The following CD302 variants were observed in gnomAD, a reference collection of about 807,000 sequenced individuals.
CD302 encodes CD302 antigen.
In CD302, 23 loss-of-function variants were observed where a neutral mutation model predicts 26.5. The ratio of observed to expected loss-of-function variants is 0.87; its 90% CI spans 0.62 to 1.23. The LOEUF (loss-of-function observed/expected upper bound fraction) is 1.23. Ranked by LOEUF, CD302 falls within the 50% of genes most tolerant of loss-of-function variation. The pLI is 0.00. For missense variants in CD302, 290 were observed against 275.5 expected, an observed-to-expected ratio of 1.05 and a Z score of -0.37; for synonymous variants, 90 against 99.4, an observed-to-expected ratio of 0.91 and a Z score of 0.56.
At position 159,780,963 on chromosome 2, in the gene CD302, T is replaced by A. The variant is rs775277205; in HGVS notation, c.214A>T (p.Asn72Tyr). The A allele has an allele frequency of 1.2e-6, 2 of 1,613,432 alleles. No homozygotes were observed. Among genetic ancestry groups the A allele is most frequent in the Admixed American group, 3.3e-5 (2 of 59,904 alleles). ...DMISIHNEEE[N>Y]AFILDTLKKQ... is the part of the protein sequence containing the mutation. ...TTCAAAGTATCCAGTATAAAAGCAT[T>A]TTCTTCTTCATTATGTATGCTTATC... is the stretch of plus-strand genomic sequence containing the variant. Residue 72 changes from asparagine to tyrosine, a missense_variant, in exon 3 of 6, where the codon AAT (asparagine) becomes TAT (tyrosine). Asn to Tyr is a moderately radical substitution (Grantham distance 143). Transcript: ENST00000259053.
intron 1 of CD302, 129 bp downstream of exon 1, chr2:159,798,003 G>T: frequency 1.2e-6 from 1 of 855,318 alleles, no homozygotes; most frequent in Non-Finnish European, 1.7e-6. Context: ...GTGCAGGGAA[G>T]GGCGGGATGG....
At chr2:159,783,239 G>T in intron 2 of CD302, 120 bp downstream of exon 2, 2 of 723,708 alleles carry the variant, frequency 2.8e-6, no homozygotes, top group East Asian at 2.9e-5. Flanking sequence ...AATAAAAGTT[G>T]TACATTAAAT....
At position 159,777,929 on chromosome 2, in the gene CD302, A is replaced by C; in HGVS notation, c.496+9T>G. The C allele has an allele frequency of 9.8e-7, 1 of 1,023,690 alleles. No homozygotes were observed. The highest frequency in any genetic ancestry group is 1.4e-6 in the Non-Finnish European group (1 of 714,522). The allele number at this position is 1,023,690 out of a possible 1,614,324, so 63.4% of individuals were successfully genotyped here. On this transcript the variant is annotated intron_variant, in intron 5 of 5. Transcript: ENST00000259053. ...GTGGGAAAAATTTAAAGACCAAATC[A>C]TTACTTACCTGATAAATATTTCCTT...
Position 159,770,367 on chromosome 2 carries a change from GTT to G in CD302, c.*1482_*1483del, listed in dbSNP as rs1708099258. 1.3e-5 allele frequency: 2 copies of G among 150,944 alleles called. No individual in the cohort carries two copies. The highest frequency in any genetic ancestry group is 5.0e-5 in the African/African-American group (2 of 40,330). The allele number at this position is 150,944 out of a possible 1,614,324, so 9.4% of individuals were successfully genotyped here. On this transcript the variant is annotated 3_prime_UTR_variant, in exon 6 of 6. Coordinates refer to ENST00000259053, the MANE Select transcript of CD302 (RefSeq NM_014880.5). The stretch of plus-strand genomic sequence containing the variant: ...GTACCATGTAGCCGCACTGTTAATA[GTT>G]TTCTATCACTTTTTAGTTACTCATG...
At chr2:159,781,813 A>G (rs1420821020) in intron 2 of CD302, among the ~76,000 whole-genome samples, 1 of 152,174 alleles carries the variant, frequency 6.6e-6, no homozygotes, top group Non-Finnish European at 1.5e-5. Context: ...GAAACAACAT[A>G]TATGTATTAA....
chr2:159,775,900 T>G (rs1000242066), intron 5 of CD302, among the ~76,000 whole-genome samples: 1 of 151,714 alleles, frequency 6.6e-6, no homozygotes, highest in African/African-American at 2.4e-5. Context: ...TCTTTTTTTT[T>G]TGTGGTGGTT....
chr2:159,789,043 G>T (rs111747695), intron 1 of CD302, among the ~76,000 whole-genome samples: 12,120 of 150,994 alleles, frequency 0.08, 566 homozygotes, highest in African/African-American at 0.13. Context: ...TTTAAGACAA[G>T]ATCTCTCTCT....
At chr2:159,797,475 G>A (rs1682485825) in intron 1 of CD302, among the ~76,000 whole-genome samples, 1 of 152,146 alleles carries the variant, frequency 6.6e-6, no homozygotes, top group South Asian at 2.1e-4. Context: ...TTTTGTAAAT[G>A]AATGATCACG....
rs998500130 is a variant in CD302 at position 159,770,726 on chromosome 2, G to C, written c.*1125C>G. ...GTGTTACAATTGTCTGCAGTATTCA[G>C]CACAGTAACATGCTGTGTAGGTTTG... is the stretch of plus-strand genomic sequence containing the variant. On this transcript the variant is annotated 3_prime_UTR_variant, in exon 6 of 6. Coordinates refer to ENST00000259053, the MANE Select transcript of CD302 (RefSeq NM_014880.5). 1 of 152,072 alleles carries C rather than the reference G, an allele frequency of 6.6e-6. No individual in the cohort carries two copies. The highest frequency in any genetic ancestry group is 1.5e-5 in the Non-Finnish European group (1 of 67,980). The allele number at this position is 152,072 out of a possible 1,614,324, so 9.4% of individuals were successfully genotyped here.
At position 159,771,723 on chromosome 2, in the gene CD302, A is replaced by C; in HGVS notation, c.*128T>G. 9.0e-7 allele frequency: 1 copy of C among 1,114,096 alleles called. No individual in the cohort carries two copies. The highest frequency in any genetic ancestry group is 1.3e-6 in the Non-Finnish European group (1 of 792,014). 69.0% of individuals were successfully genotyped at this position (1,114,096 alleles called of 1,614,324 possible). A position where few individuals can be genotyped will look rare whatever the true frequency, so the allele number is the denominator to read the frequency against. ...CTTTTCACAGCAGATGAGTACATAA[A>C]AATGTTACTGGAATAAGGAATACCA... On this transcript the variant is annotated 3_prime_UTR_variant, in exon 6 of 6. Transcript: ENST00000259053.
intron 1 of CD302, among the ~76,000 whole-genome samples, chr2:159,784,972 C>CTTTTT (rs35915930): frequency 9.0e-6 from 1 of 111,730 alleles, no homozygotes; most frequent in African/African-American, 3.3e-5. Flanking sequence ...TCCGTACAGA[C>CTTTTT]TTTTTTTTTT....
At chr2:159,784,346 CTTTTTTTTTT>C (rs151184238) in intron 1 of CD302, among the ~76,000 whole-genome samples, 8 of 53,066 alleles carry the variant, frequency 1.5e-4, no homozygotes, top group African/African-American at 3.1e-4. Context: ...TTAAGTTCTG[CTTTTTTTTTT>C]TTTTTTTTTT....
chr2:159,779,907 T>G (rs1708456582), intron 4 of CD302, 98 bp downstream of exon 4: 15 of 1,416,418 alleles, frequency 1.1e-5, no homozygotes, highest in Non-Finnish European at 1.4e-5. Flanking sequence ...CTAGCCTTAT[T>G]CTATTTATTG....
chr2:159,787,653 G>C (rs980405783), intron 1 of CD302, among the ~76,000 whole-genome samples: 3 of 151,886 alleles, frequency 2.0e-5, no homozygotes, highest in African/African-American at 4.8e-5. Context: ...GTTTTGCCTG[G>C]CCGGTGTTCT....
At chr2:159,786,897 G>C (rs919213654) in intron 1 of CD302, among the ~76,000 whole-genome samples, 1 of 152,060 alleles carries the variant, frequency 6.6e-6, no homozygotes, top group East Asian at 1.9e-4. Context: ...CCTTCCAAAG[G>C]TCATCTCTAA....
intron 1 of CD302, among the ~76,000 whole-genome samples, chr2:159,785,201 C>G (rs7563123): frequency 6.6e-6 from 1 of 151,956 alleles, no homozygotes. Context: ...CTCTGGAACT[C>G]CTGGGCTCAG....
intron 5 of CD302, among the ~76,000 whole-genome samples, chr2:159,776,577 A>G (rs1002210463): frequency 2.0e-5 from 3 of 152,086 alleles, no homozygotes; most frequent in African/African-American, 4.8e-5. Flanking sequence ...TCTTCTTCCT[A>G]TAGATTAATG....
Position 159,797,010 on chromosome 2 carries a change from G to T in CD302, c.67+1122C>A, listed in dbSNP as rs1018888713. ...CCCAGTCTGAACAATGTGAACATGG[G>T]CACATCTTGTTTCTGCCCCTTTGAT... On this transcript the variant is annotated intron_variant, in intron 1 of 5. Transcript: ENST00000259053. 2.0e-5 allele frequency among the ~76,000 whole-genome samples: 3 copies of T among 152,232 alleles called. No homozygotes were observed. In the Middle Eastern group the frequency reaches 0.01, roughly 518 times the overall value.
intron 5 of CD302, among the ~76,000 whole-genome samples, chr2:159,776,502 A>G (rs1405970338): frequency 6.6e-6 from 1 of 152,138 alleles, no homozygotes; most frequent in East Asian, 1.9e-4. Flanking sequence ...AGGCTGCACC[A>G]TTTTACATTC....
Sources: gnomAD v4.1 joint callset for allele counts (sites outside exome capture counted in the v4.1 genomes callset) on GRCh38, gnomAD v4.1.1 for gene constraint, MANE v1.5 for transcripts, NCBI Gene and HGNC (gene_info 2026-07-23, HGNC 2026-07-21) for gene names.